The following WDFY3 variants were observed in gnomAD, a reference collection of about 807,000 sequenced individuals.
WDFY3 encodes the protein WD repeat and FYVE domain containing 3.
A neutral mutation model predicts 409.6 loss-of-function variants in WDFY3; 66 were observed. The observed-to-expected ratio is 0.16, with a 90% CI of 0.13 to 0.20. The LOEUF is 0.20. Ranked by LOEUF, WDFY3 falls within the 10% of genes least tolerant of loss-of-function variation. WDFY3 has a pLI of 1.00. For missense variants in WDFY3, 3,031 were observed against 4,298.1 expected (o/e 0.71, Z 8.24); for synonymous variants, 1,521 against 1,537.1 (o/e 0.99, Z 0.25).
At chr4:84,722,142 C>T (rs1466526488) in intron 46 of WDFY3, among the ~76,000 whole-genome samples, 1 of 152,146 alleles carries the variant, frequency 6.6e-6, no homozygotes, top group Non-Finnish European at 1.5e-5. Flanking sequence ...AATCCCAGCA[C>T]TTTGGGAGGC....
At chr4:84,892,008 G>GAA (rs1765019489) in intron 3 of WDFY3, among the ~76,000 whole-genome samples, 1 of 145,122 alleles carries the variant, frequency 6.9e-6, no homozygotes, top group Admixed American at 6.8e-5. Flanking sequence ...AGGTAATTTA[G>GAA]AAAAATGGCC....
chr4:84,756,762 G>C (rs551101253), intron 33 of WDFY3, among the ~76,000 whole-genome samples, 164 bp downstream of exon 33: 3 of 152,004 alleles, frequency 2.0e-5, no homozygotes, highest in African/African-American at 7.2e-5. Context: ...AGGACTTTTT[G>C]GGAAAATTTT....
At chr4:84,774,718 T>C in intron 29 of WDFY3, 102 bp downstream of exon 29, 6 of 1,188,978 alleles carry the variant, frequency 5.0e-6, no homozygotes, top group Non-Finnish European at 7.0e-6. Context: ...ATTACAGGTG[T>C]TATTACACAG....
At chr4:84,847,441 CA>C (rs1404906457) in intron 5 of WDFY3, among the ~76,000 whole-genome samples, 2 of 151,682 alleles carry the variant, frequency 1.3e-5, no homozygotes, top group African/African-American at 2.4e-5. Context: ...CTGAAAGAAA[CA>C]GATTATTTAT....
intron 1 of WDFY3, among the ~76,000 whole-genome samples, chr4:84,951,814 C>T (rs529083451): frequency 1.3e-5 from 2 of 152,292 alleles, no homozygotes; most frequent in African/African-American, 2.4e-5. Flanking sequence ...CTATTAAACC[C>T]TGTGCTAAAG....
intron 46 of WDFY3, among the ~76,000 whole-genome samples, chr4:84,722,931 G>T (rs1478722296): frequency 6.6e-6 from 1 of 152,136 alleles, no homozygotes; most frequent in Non-Finnish European, 1.5e-5. Flanking sequence ...ATCCACAAGG[G>T]GTGGAAAGCT....
chr4:84,824,533 T>C (rs1754571233), intron 10 of WDFY3, among the ~76,000 whole-genome samples: 1 of 152,178 alleles, frequency 6.6e-6, no homozygotes. Flanking sequence ...GATTACAGTG[T>C]ATTAAGTTCT....
chr4:84,775,218 C>G, intron 27 of WDFY3, 80 bp from the exon 28 acceptor site: 1 of 1,131,590 alleles, frequency 8.8e-7, no homozygotes. Context: ...CAATACAGCA[C>G]ATGGAACTTA....
intron 8 of WDFY3, among the ~76,000 whole-genome samples, chr4:84,829,633 C>T (rs1274155249): frequency 1.3e-5 from 2 of 151,636 alleles, no homozygotes; most frequent in African/African-American, 4.8e-5. Flanking sequence ...ATGGTGAAAC[C>T]CTGTCTCTAC....
intron 3 of WDFY3, among the ~76,000 whole-genome samples, chr4:84,888,381 C>G (rs780567679): frequency 2.0e-5 from 3 of 152,066 alleles, no homozygotes; most frequent in Non-Finnish European, 2.9e-5. Context: ...CAATTAAACA[C>G]AGCAATGTAT....
intron 3 of WDFY3, among the ~76,000 whole-genome samples, chr4:84,873,864 C>A (rs1762435516): frequency 6.6e-6 from 1 of 151,628 alleles, no homozygotes; most frequent in African/African-American, 2.4e-5. Context: ...CTCAGTGTAG[C>A]CTCAACCTCC....
At chr4:84,873,701 C>T (rs892152952) in intron 3 of WDFY3, among the ~76,000 whole-genome samples, 4 of 151,954 alleles carry the variant, frequency 2.6e-5, no homozygotes, top group Non-Finnish European at 5.9e-5. Context: ...CGAATGCTTG[C>T]TCTTGGAAAT....
At chr4:84,765,229 T>C (rs990991312) in intron 32 of WDFY3, among the ~76,000 whole-genome samples, 4 of 152,204 alleles carry the variant, frequency 2.6e-5, no homozygotes, top group African/African-American at 4.8e-5. Flanking sequence ...AAATCTAGCA[T>C]AGTAAACTGC....
chr4:84,820,848 A>G (rs1753954363), intron 11 of WDFY3, among the ~76,000 whole-genome samples: 1 of 152,068 alleles, frequency 6.6e-6, no homozygotes, highest in Admixed American at 6.6e-5. Context: ...CTCAGTTTTT[A>G]CCTTCCTTTA....
intron 56 of WDFY3, among the ~76,000 whole-genome samples, chr4:84,697,944 G>T (rs1730400318): frequency 6.6e-6 from 1 of 152,138 alleles, no homozygotes; most frequent in Non-Finnish European, 1.5e-5. Context: ...ACAAATATCA[G>T]TTTGTTGTTT....
At chr4:84,691,835 T>C in intron 59 of WDFY3, 50 bp from the exon 60 acceptor site, 2 of 1,501,808 alleles carry the variant, frequency 1.3e-6, no homozygotes, top group Non-Finnish European at 1.8e-6. Context: ...AAAACTAATG[T>C]CATTATCTCA....
intron 1 of WDFY3, among the ~76,000 whole-genome samples, chr4:84,937,705 T>G (rs1394287481): frequency 2.0e-5 from 3 of 152,178 alleles, no homozygotes; most frequent in Non-Finnish European, 4.4e-5. Flanking sequence ...GTAGGCCATT[T>G]TTTTAAAAAA....
At chr4:84,765,751 T>C in intron 32 of WDFY3, 59 bp downstream of exon 32, 1 of 1,478,558 alleles carries the variant, frequency 6.8e-7, no homozygotes, top group Non-Finnish European at 9.3e-7. Flanking sequence ...ACATAAAATT[T>C]AAAATAAAAC....
rs561608426 is a variant in WDFY3, at chr4:84,773,615, T to A, written c.4755-686A>T. Among the ~76,000 whole-genome samples the A allele has an allele frequency of 6.6e-5, 10 of 152,332 alleles. No individual in the cohort carries two copies. The South Asian group carries it at 1.4e-3, about 22-fold the overall frequency. ...GGGAATAATTTCAGCAAAGTGACCATTACAATGCTAGGAATTGCTTTAAAT... is the reference window on the plus strand; with the variant it reads ...GGGAATAATTTCAGCAAAGTGACCAATACAATGCTAGGAATTGCTTTAAAT... On this transcript the variant is annotated intron_variant, in intron 29 of 67. Coordinates refer to ENST00000295888, the MANE Select transcript of WDFY3 (RefSeq NM_014991.6).
Sources: gnomAD v4.1 joint callset for allele counts (sites outside exome capture counted in the v4.1 genomes callset) on GRCh38, gnomAD v4.1.1 for gene constraint, MANE v1.5 for transcripts, NCBI Gene and HGNC (gene_info 2026-07-23, HGNC 2026-07-21) for gene names.